The following MATR3 variants were observed in gnomAD, a reference collection of about 807,000 sequenced individuals.
MATR3 encodes the protein matrin 3.
A neutral mutation model predicts 85.5 loss-of-function variants in MATR3; 4 were observed. The ratio of observed to expected loss-of-function variants is 0.05; its 90% CI spans 0.02 to 0.11. The LOEUF is 0.11. Among genes scored for constraint, MATR3 ranks in the 10% least tolerant of loss-of-function variants. The probability of loss-of-function intolerance (pLI) is 1.00; values close to 1 mark genes in which losing one functional copy is unlikely to be tolerated. For missense variants in MATR3, 685 were observed against 1,016.1 expected (o/e 0.67, Z 4.43); for synonymous variants, 336 against 343.1 (o/e 0.98, Z 0.23).
Position 139,319,415 on chromosome 5 carries a change from T to G in MATR3, c.1516T>G (p.Ser506Ala). 6.2e-7 allele frequency: 1 copy of G among 1,614,112 alleles called. No individual in the cohort carries two copies. Among genetic ancestry groups the G allele is most frequent in the East Asian group, 2.2e-5 (1 of 44,882 alleles). Residue 506 changes from serine (S) to alanine (A), a missense_variant, in exon 9 of 15, where the codon TCT (serine) becomes GCT (alanine). This residue lies in a region of MATR3 where 50 missense variants were observed against 133.4 expected (regional missense o/e 0.37). Transcript: ENST00000394805. ...RVIHLSNLPH[S>A]GYSDSAVLKL... ...GATACATCTCAGCAATTTGCCGCAT[T>G]CTGGCTATTCTGATAGTGCTGTTCT...
Position 139,307,139 on chromosome 5 carries a change from GTTT to G in MATR3, c.-177-92_-177-90del. On this transcript the variant is annotated intron_variant, in intron 1 of 14. Transcript: ENST00000394805. This position sits in a 1 kb window ranked among gnomAD's most constrained non-coding sequence, Gnocchi z 4.4. ...TCCTTGTAAGTTTGAGATCTTAAATGTTTTTTTTTTAAATCAACATGATGCATA... is the reference window on the plus strand; with the variant it reads ...TCCTTGTAAGTTTGAGATCTTAAATGTTTTTTTAAATCAACATGATGCATA... 1.3e-6 allele frequency: 1 copy of G among 791,078 alleles called. No individual in the cohort carries two copies. Among genetic ancestry groups the G allele is most frequent in the Non-Finnish European group, 1.6e-6 (1 of 620,738 alleles). The allele number at this position is 791,078 out of a possible 1,614,324, so 49.0% of individuals were successfully genotyped here.
chr5:139,307,365 T>A lies in MATR3; in HGVS notation c.-51T>A, dbSNP rs542501385. 47 of 1,552,668 alleles carry A rather than the reference T, an allele frequency of 3.0e-5. No homozygotes were observed. The East Asian group carries it at 5.5e-4, about 18-fold the overall frequency. On this transcript the variant is annotated 5_prime_UTR_variant, in exon 2 of 15. Transcript: ENST00000394805. This position sits in a 1 kb window ranked among gnomAD's most constrained non-coding sequence, Gnocchi z 4.4. Reference sequence around the variant, plus strand: ...TTTGAGCTTTCTTTTTGGCCGTCTTTAAAAAAATTTTTTTTTTTAATCTAT... The same window carrying A: ...TTTGAGCTTTCTTTTTGGCCGTCTTAAAAAAAATTTTTTTTTTTAATCTAT...
chr5:139,313,389 C>T (rs1000023273), intron 2 of MATR3: 3 of 147,986 alleles, frequency 2.0e-5, no homozygotes, highest in Non-Finnish European at 3.0e-5. Context: ...AAGCAGTTTA[C>T]CTTTATTGAC....
At chr5:139,306,751 C>T (rs1402274740) in intron 1 of MATR3, among the ~76,000 whole-genome samples, 3 of 152,162 alleles carry the variant, frequency 2.0e-5, no homozygotes, top group Non-Finnish European at 4.4e-5. Flanking sequence ...TACTTGAAAC[C>T]TAAGCTTCAT....
upstream of MATR3, among the ~76,000 whole-genome samples, chr5:139,290,882 A>G (rs1284782774): frequency 6.6e-6 from 1 of 152,178 alleles, no homozygotes; most frequent in African/African-American, 2.4e-5. Context: ...TGTGTCCCCA[A>G]CTGAACTTGC....
At chr5:139,320,536 A>G (rs1352305379) in intron 9 of MATR3, among the ~76,000 whole-genome samples, 2 of 152,094 alleles carry the variant, frequency 1.3e-5, no homozygotes, top group African/African-American at 2.4e-5. Context: ...CAGGAGTCCA[A>G]GGTTTGTAGT....
intron 1 of MATR3, among the ~76,000 whole-genome samples, chr5:139,298,867 A>G (rs1228263766): frequency 2.0e-5 from 3 of 152,246 alleles, no homozygotes; most frequent in Admixed American, 6.5e-5. Flanking sequence ...AATGTTCATC[A>G]TCTGCAGAAT....
At chr5:139,304,486 G>A (rs1754609707) in intron 1 of MATR3, among the ~76,000 whole-genome samples, 1 of 149,126 alleles carries the variant, frequency 6.7e-6, no homozygotes, top group Admixed American at 6.7e-5. Context: ...GGCATCAAGA[G>A]TGAAACTCCA....
At chr5:139,315,471 T>C (rs1561937854) in intron 3 of MATR3, 2 of 484,968 alleles carry the variant, frequency 4.1e-6, no homozygotes, top group African/African-American at 2.0e-5. Flanking sequence ...TTCAACATTA[T>C]CTGCATTTGC....
At chr5:139,278,890 G>A (rs1303499685) in intron 2 of MATR3, 1 of 517,438 alleles carries the variant, frequency 1.9e-6, no homozygotes, top group African/African-American at 1.9e-5. Flanking sequence ...CTGTTTTGGT[G>A]TTGTAGCTGA....
intron 12 of MATR3, among the ~76,000 whole-genome samples, chr5:139,323,304 G>A (rs930849278): frequency 2.0e-5 from 3 of 151,936 alleles, no homozygotes; most frequent in Non-Finnish European, 4.4e-5. Flanking sequence ...AAAAATACAG[G>A]ACGTGAGTTT....
chr5:139,331,267 GT>G lies in MATR3; in HGVS notation c.*1875del, dbSNP rs1275122790. 31 of 453,954 alleles carry G rather than the reference GT, an allele frequency of 6.8e-5. No individual in the cohort carries two copies. Among genetic ancestry groups the G allele is most frequent in the African/African-American group, 6.2e-4 (31 of 49,988 alleles). 28.1% of individuals were successfully genotyped at this position (453,954 alleles called of 1,614,324 possible). Reference sequence around the variant, plus strand: ...TGACATGCACAAAAAATCCTTGCCAGTTTACTTCTGCAATTTAATTTTAGCC... The same window carrying G: ...TGACATGCACAAAAAATCCTTGCCAGTTACTTCTGCAATTTAATTTTAGCC... On this transcript the variant is annotated 3_prime_UTR_variant, in exon 15 of 15. Transcript: ENST00000394805.
upstream of MATR3, chr5:139,293,719 G>C: frequency 2.8e-6 from 1 of 353,410 alleles, no homozygotes; most frequent in Non-Finnish European, 5.1e-6. Context: ...TCTCGCCAGC[G>C]CCGTTGCTGC....
At chr5:139,296,583 C>A (rs1342557982) in intron 1 of MATR3, among the ~76,000 whole-genome samples, 1 of 152,130 alleles carries the variant, frequency 6.6e-6, no homozygotes, top group East Asian at 1.9e-4. Context: ...TTGGCATAGA[C>A]AAACTAGCTG....
upstream of MATR3, among the ~76,000 whole-genome samples, chr5:139,291,522 C>T (rs1047731715): frequency 5.9e-5 from 9 of 152,170 alleles, no homozygotes; most frequent in Non-Finnish European, 1.2e-4. Flanking sequence ...AAACAATTTA[C>T]CCTGTCTTGA....
intron 9 of MATR3, among the ~76,000 whole-genome samples, chr5:139,320,448 A>AT (rs1436879821): frequency 2.2e-4 from 34 of 152,044 alleles, no homozygotes; most frequent in African/African-American, 8.0e-4. Context: ...ACAAAAAAAA[A>AT]TTTTTTTTAA....
At chr5:139,280,748 G>T (rs1249858769) in intron 3 of MATR3, 2 of 152,188 alleles carry the variant, frequency 1.3e-5, no homozygotes, top group African/African-American at 4.8e-5. Flanking sequence ...GAGGCCTCAA[G>T]TTCTAAGCAT....
At chr5:139,277,640 T>TG (rs1377253627) in intron 2 of MATR3, among the ~76,000 whole-genome samples, 5 of 151,958 alleles carry the variant, frequency 3.3e-5, no homozygotes, top group Non-Finnish European at 7.4e-5. Flanking sequence ...CTATAGAAAT[T>TG]GGGGTAAATG....
At chr5:139,319,747 G>T (rs1383757500) in intron 9 of MATR3, among the ~76,000 whole-genome samples, 1 of 151,622 alleles carries the variant, frequency 6.6e-6, no homozygotes, top group East Asian at 1.9e-4. Context: ...GGAGGCTGAG[G>T]CAGGAGAATT....
Sources: gnomAD v4.1 joint callset for allele counts (sites outside exome capture counted in the v4.1 genomes callset) on GRCh38, gnomAD v4.1.1 for gene constraint, gnomAD v4.1.1 regional missense constraint, Gnocchi (gnomAD v3.1) non-coding constraint, MANE v1.5 for transcripts, NCBI Gene and HGNC (gene_info 2026-07-23, HGNC 2026-07-21) for gene names.